The following AGL variants were observed in gnomAD, a reference collection of about 807,000 sequenced individuals.
AGL encodes the protein amylo-alpha-1,6-glucosidase and 4-alpha-glucanotransferase.
A neutral mutation model predicts 199.3 loss-of-function variants in AGL; 128 were observed. That is an observed-to-expected ratio of 0.64 (90% CI 0.56 to 0.74). The LOEUF is 0.74. Among genes scored for constraint, AGL ranks in the 30% least tolerant of loss-of-function variants. The pLI, the probability that AGL is intolerant of heterozygous loss-of-function variation, is 0.00. For missense variants in AGL, 1,809 were observed against 1,820.8 expected (o/e 0.99, Z 0.12); for synonymous variants, 584 against 594.7 (o/e 0.98, Z 0.26).
At chr1:99,854,835 C>T (rs1649283706) in intron 2 of AGL, among the ~76,000 whole-genome samples, 1 of 151,204 alleles carries the variant, frequency 6.6e-6, no homozygotes, top group South Asian at 2.1e-4. Flanking sequence ...ACATTGGAGA[C>T]AAGAAGCATT....
chr1:99,913,439 A>C (rs2100858673), intron 29 of AGL, 88 bp from the exon 30 acceptor site: 1 of 1,150,886 alleles, frequency 8.7e-7, no homozygotes, highest in Middle Eastern at 2.8e-4. Flanking sequence ...AGTAGATAAA[A>C]ATAAACTAAA....
chr1:99,866,020 C>G (rs920270055), intron 5 of AGL, among the ~76,000 whole-genome samples: 7 of 152,154 alleles, frequency 4.6e-5, no homozygotes, highest in African/African-American at 1.7e-4. Context: ...GTAATCCCAG[C>G]TGCTTGAGAG....
chr1:99,896,605 A>G (rs1414793660), intron 25 of AGL, among the ~76,000 whole-genome samples: 1 of 152,186 alleles, frequency 6.6e-6, no homozygotes, highest in Non-Finnish European at 1.5e-5. Context: ...CCTTCATATT[A>G]CAAGTCAGGT....
In AGL at chr1:99,880,014, T is replaced by C. The variant is rs776394557; in HGVS notation, c.1703T>C (p.Val568Ala). ...TGSEDLDNVF[V>A]TRLGISSLIR... ...AGTGAAGATCTGGACAATGTCTTTG[T>C]TACTAGACTGGGCATTAGTTCCTTA... Residue 568 changes from valine to alanine, a missense_variant, in exon 13 of 34, where the codon GTT (valine) becomes GCT (alanine). Physicochemically the swap from Val to Ala is moderately conservative, Grantham distance 64. Coordinates refer to ENST00000361915, the MANE Select transcript of AGL (RefSeq NM_000642.3). 1 of 1,613,728 alleles carries C rather than the reference T, an allele frequency of 6.2e-7. No homozygotes were observed. Among genetic ancestry groups the C allele is most frequent in the Non-Finnish European group, 8.5e-7 (1 of 1,179,736 alleles).
Position 99,876,495 on chromosome 1 carries a change from A to G in AGL, c.1321A>G (p.Met441Val), listed in dbSNP as rs753035763. Residue 441 changes from methionine (M) to valine (V), a missense_variant, in exon 11 of 34, where the codon ATG becomes GTG. By Grantham distance (21) the Met-to-Val change is conservative. Coordinates refer to ENST00000361915, the MANE Select transcript of AGL (RefSeq NM_000642.3). Reference sequence around the variant, plus strand: ...CCCATTTGAAGAGATAGACTTCTCCATGGAAGAATCTATGATTCATCTGCC... The same window carrying G: ...CCCATTTGAAGAGATAGACTTCTCCGTGGAAGAATCTATGATTCATCTGCC... ...TFPFEEIDFSMEESMIHLPNK... is the reference protein window; with the variant it reads ...TFPFEEIDFSVEESMIHLPNK... 1.7e-5 allele frequency: 28 copies of G among 1,610,262 alleles called. No individual in the cohort carries two copies. In the Admixed American group the frequency reaches 4.3e-4, roughly 25 times the overall value.
chr1:99,870,652 G>C, intron 6 of AGL, 71 bp downstream of exon 6: 2 of 1,543,116 alleles, frequency 1.3e-6, no homozygotes, highest in Non-Finnish European at 1.8e-6. Flanking sequence ...ATATATGGTT[G>C]AAAATTACTT....
At chr1:99,851,526 T>G (rs1433606287) in intron 2 of AGL, among the ~76,000 whole-genome samples, 12 of 152,228 alleles carry the variant, frequency 7.9e-5, no homozygotes, top group Admixed American at 5.9e-4. Context: ...TTTCCTTTGT[T>G]GAACCTTTGA....
At chr1:99,883,162 A>G (rs1652187347) in intron 17 of AGL, among the ~76,000 whole-genome samples, 1 of 152,140 alleles carries the variant, frequency 6.6e-6, no homozygotes. Flanking sequence ...TGTTAAATAT[A>G]CAGTAAGGAT....
At chr1:99,852,351 C>CTTTTTTTTTTTTTTTTTTTTTTT (rs11363065) in intron 2 of AGL, among the ~76,000 whole-genome samples, 1 of 97,554 alleles carries the variant, frequency 1.0e-5, no homozygotes, top group Non-Finnish European at 1.9e-5. Context: ...GCATTCATTT[C>CTTTTTTTTTTTTTTTTTTTTTTT]TTTTTTTTTT....
At position 99,870,750 on chromosome 1, in the gene AGL, T is replaced by C. The variant is rs767909893; in HGVS notation, c.847-8T>C. On this transcript the variant is annotated splice_polypyrimidine_tract_variant and splice_region_variant and intron_variant, in intron 6 of 33. Transcript: ENST00000361915. ...TATATGTATTTTTTAACTATTGACA[T>C]TTTTCAGTCCATCCGAAAAATAATT... is the stretch of plus-strand genomic sequence containing the variant. The C allele has an allele frequency of 7.7e-6, 12 of 1,562,824 alleles. No individual in the cohort carries two copies. Among genetic ancestry groups the C allele is most frequent in the Non-Finnish European group, 8.8e-6 (10 of 1,134,254 alleles).
At chr1:99,908,368 T>G (rs1388485483) in intron 27 of AGL, among the ~76,000 whole-genome samples, 1 of 152,248 alleles carries the variant, frequency 6.6e-6, no homozygotes, top group East Asian at 1.9e-4. Context: ...TCCATAGGCC[T>G]CTGTGTCTGT....
chr1:99,854,928 C>T (rs1013490176), intron 2 of AGL, among the ~76,000 whole-genome samples: 10 of 151,968 alleles, frequency 6.6e-5, no homozygotes, highest in East Asian at 1.9e-4. Context: ...AGGCCAGGCG[C>T]GGTGGCTCAC....
Position 99,874,729 on chromosome 1 carries a change from C to CGATT in AGL, c.1002_1005dup (p.Ile336AspfsTer6), listed in dbSNP as rs1487094304. On this transcript the variant is annotated frameshift_variant, in exon 8 of 34. Coordinates refer to ENST00000361915, the MANE Select transcript of AGL (RefSeq NM_000642.3). LOFTEE classifies it high-confidence loss of function. ...AAGTCTGATCCAAACCAACACCTTACGATTATTCAAGATCCTGAATACAGA... is the reference window on the plus strand; with the variant it reads ...AAGTCTGATCCAAACCAACACCTTACGATTGATTATTCAAGATCCTGAATACAGA... 4 of 1,599,078 alleles carry CGATT rather than the reference C, an allele frequency of 2.5e-6. No homozygotes were observed. In the African/African-American group the frequency reaches 4.0e-5, roughly 16 times the overall value.
In AGL at chr1:99,913,652, C is replaced by T. The variant is rs146257941; in HGVS notation, c.4075C>T (p.Arg1359Cys). 18 of 1,614,084 alleles carry T rather than the reference C, an allele frequency of 1.1e-5. 1 individual carries two copies. In the East Asian group the frequency reaches 2.5e-4, roughly 22 times the overall value. The change falls in exon 30 of 34, where the codon CGT (arginine) becomes TGT (cysteine). Residue 1359 changes from arginine (R) to cysteine (C), a missense_variant. Transcript: ENST00000361915. The part of the protein sequence containing the change: ...NEKHPNLVHK[R>C]GIYKDSYGAS... ...AAAGCATCCAAATCTGGTTCACAAA[C>T]GTGGCATATACAAAGATAGTTATGG... is the stretch of plus-strand genomic sequence containing the variant.
At chr1:99,861,450 A>T (rs371174157) in intron 2 of AGL, 53 bp from the exon 3 acceptor site, 1 of 1,609,182 alleles carries the variant, frequency 6.2e-7, no homozygotes, top group Non-Finnish European at 8.5e-7. Context: ...CTGTTTTTCA[A>T]TGTGGTAATT....
chr1:99,867,314 G>A (rs1650602933), intron 5 of AGL, among the ~76,000 whole-genome samples: 1 of 152,140 alleles, frequency 6.6e-6, no homozygotes, highest in Non-Finnish European at 1.5e-5. Context: ...CTACATCTTA[G>A]TAAGAACAGG....
In AGL at chr1:99,921,874, G is replaced by C. The variant is rs1655534185; in HGVS notation, c.*223G>C. 8.8e-6 allele frequency: 3 copies of C among 342,212 alleles called. No individual in the cohort carries two copies. In the South Asian group the frequency reaches 2.9e-4, roughly 33 times the overall value. The allele number at this position is 342,212 out of a possible 1,614,324, so 21.2% of individuals were successfully genotyped here. A position where few individuals can be genotyped will look rare whatever the true frequency, so the allele number is the denominator to read the frequency against. Reference sequence around the variant, plus strand: ...ATATCATTACCAATGAAATGTGTTTGAGTTCAGTAAGAATTATTCAAATGC... The same window carrying C: ...ATATCATTACCAATGAAATGTGTTTCAGTTCAGTAAGAATTATTCAAATGC... On this transcript the variant is annotated 3_prime_UTR_variant, in exon 34 of 34. Coordinates refer to ENST00000361915, the MANE Select transcript of AGL (RefSeq NM_000642.3).
At chr1:99,918,372 T>C (rs1167013113) in intron 33 of AGL, among the ~76,000 whole-genome samples, 1 of 152,240 alleles carries the variant, frequency 6.6e-6, no homozygotes, top group Admixed American at 6.5e-5. Context: ...ATGTGGAATA[T>C]GATTACAGTG....
intron 26 of AGL, among the ~76,000 whole-genome samples, chr1:99,901,307 A>T (rs953322635): frequency 1.4e-5 from 2 of 146,086 alleles, no homozygotes; most frequent in African/African-American, 5.0e-5. Context: ...GCTTCTCAGG[A>T]GGCTGAGGCA....
Sources: allele counts gnomAD v4.1 joint callset (sites outside exome capture counted in the v4.1 genomes callset), GRCh38; gene constraint gnomAD v4.1.1; transcripts MANE v1.5; gene names NCBI Gene and HGNC (gene_info 2026-07-23, HGNC 2026-07-21).